PHF20: variants seen among roughly 807,000 people sequenced by gnomAD.
PHF20 encodes the protein glioma-expressed antigen 2.
Under a neutral mutation model 113.5 loss-of-function variants are expected in PHF20, and 23 were observed. The ratio of observed to expected loss-of-function variants is 0.20; its 90% confidence interval spans 0.15 to 0.29. The LOEUF (loss-of-function observed/expected upper bound fraction) is 0.29. Among genes scored for constraint, PHF20 ranks in the 10% least tolerant of loss-of-function variants. The pLI is 1.00. For missense variants in PHF20, 943 were observed against 1,219.6 expected, an observed-to-expected ratio of 0.77 and a Z score of 3.38; for synonymous variants, 434 against 457.3, an observed-to-expected ratio of 0.95 and a Z score of 0.65.
At chr20:35,813,113 G>A (rs374950039) in intron 2 of PHF20, among the ~76,000 whole-genome samples, 1 of 151,938 alleles carries the variant, frequency 6.6e-6, no homozygotes, top group African/African-American at 2.4e-5. Flanking sequence ...GACTACAGGC[G>A]CCCGCCACCA....
chr20:35,772,336 G>A (rs1159839328), intron 1 of PHF20, among the ~76,000 whole-genome samples: 1 of 151,008 alleles, frequency 6.6e-6, no homozygotes, highest in African/African-American at 2.4e-5. Flanking sequence ...CCGCCAATCA[G>A]CGCCGCCCGA....
chr20:35,857,562 C>CTTT (rs56655276), intron 4 of PHF20, among the ~76,000 whole-genome samples: 1,476 of 99,680 alleles, frequency 0.015, 63 homozygotes, highest in African/African-American at 0.037. Context: ...AATGATGTTC[C>CTTT]TTTTTTTTTT....
At chr20:35,864,452 A>AC (rs59351622) in intron 6 of PHF20, among the ~76,000 whole-genome samples, 7 of 151,080 alleles carry the variant, frequency 4.6e-5, no homozygotes, top group African/African-American at 7.3e-5. Flanking sequence ...ACACACACAC[A>AC]AATATTTTCA....
intron 6 of PHF20, among the ~76,000 whole-genome samples, chr20:35,866,159 G>C (rs927508060): frequency 6.6e-6 from 1 of 152,116 alleles, no homozygotes; most frequent in Non-Finnish European, 1.5e-5. Context: ...ACAGTGAGCC[G>C]ATATCGCACC....
intron 15 of PHF20, among the ~76,000 whole-genome samples, chr20:35,935,049 T>C (rs1220176030): frequency 6.6e-6 from 1 of 152,006 alleles, no homozygotes; most frequent in African/African-American, 2.4e-5. Context: ...TTTTAAGAGA[T>C]GGAGTCTTTC....
At position 35,798,959 on chromosome 20, in the gene PHF20, AC is replaced by A. The variant is rs760524904; in HGVS notation, c.-32-2531del. Among the ~76,000 whole-genome samples the A allele has an allele frequency of 2.0e-5, 3 of 152,140 alleles. No individual in the cohort carries two copies. In the South Asian group the frequency reaches 6.2e-4, roughly 32 times the overall value. On this transcript the variant is annotated intron_variant, in intron 1 of 17. Transcript: ENST00000374012. ...AGTTTTAATGTGAGCTCCATGTGGT[AC>A]AATTTTGCATCCTGCCTTTTTATGT...
chr20:35,891,857 A>G (rs981639332), intron 9 of PHF20, among the ~76,000 whole-genome samples: 7 of 151,636 alleles, frequency 4.6e-5, no homozygotes, highest in African/African-American at 1.5e-4. Context: ...TCTATTTTTT[A>G]TATATTATTT....
intron 9 of PHF20, among the ~76,000 whole-genome samples, chr20:35,896,172 T>C (rs1054037896): frequency 2.0e-5 from 3 of 151,924 alleles, no homozygotes; most frequent in African/African-American, 7.3e-5. Context: ...CAACCAAACC[T>C]AATTTTGAAG....
chr20:35,943,936 C>T (rs2056039069), intron 17 of PHF20, among the ~76,000 whole-genome samples: 1 of 150,250 alleles, frequency 6.7e-6, no homozygotes, highest in Non-Finnish European at 1.5e-5. Flanking sequence ...TACTTTAAAA[C>T]TAAAAGACAA....
At chr20:35,912,836 T>C (rs973391909) in intron 10 of PHF20, among the ~76,000 whole-genome samples, 2 of 152,026 alleles carry the variant, frequency 1.3e-5, no homozygotes, top group African/African-American at 4.8e-5. Context: ...ACAACAAAAA[T>C]CAGATCCCCA....
intron 10 of PHF20, among the ~76,000 whole-genome samples, chr20:35,905,443 G>A (rs1047515405): frequency 1.3e-5 from 2 of 152,110 alleles, no homozygotes; most frequent in Non-Finnish European, 2.9e-5. Context: ...ATGTCATGAG[G>A]TTGGGGCCTT....
intron 2 of PHF20, among the ~76,000 whole-genome samples, chr20:35,821,018 A>G (rs1048419692): frequency 1.3e-5 from 2 of 151,996 alleles, no homozygotes; most frequent in African/African-American, 2.4e-5. Context: ...GAGAGGCCAG[A>G]GGTAGGAGGT....
At chr20:35,929,409 T>A (rs2055707145) in intron 14 of PHF20, among the ~76,000 whole-genome samples, 2 of 152,226 alleles carry the variant, frequency 1.3e-5, no homozygotes, top group Admixed American at 1.3e-4. Flanking sequence ...GTCAGAAGAT[T>A]TGACAGGTGA....
chr20:35,938,768 A>G lies in PHF20; in HGVS notation c.2372A>G (p.His791Arg), dbSNP rs1216473184. 6.2e-7 allele frequency: 1 copy of G among 1,614,048 alleles called. No individual in the cohort carries two copies. The highest frequency in any genetic ancestry group is 8.5e-7 in the Non-Finnish European group (1 of 1,179,930). The change falls in exon 16 of 18, where the codon CAT becomes CGT. Residue 791 changes from histidine (H) to arginine (R), a missense_variant. His to Arg is a conservative substitution (Grantham distance 29, BLOSUM62 0). Coordinates refer to ENST00000374012, the MANE Select transcript of PHF20 (RefSeq NM_016436.5). Reference protein sequence around the residue: ...WKQHSGEGRSHFRNIPVTDTR... With the variant: ...WKQHSGEGRSRFRNIPVTDTR... ...CAGCACTCAGGGGAGGGGAGATCTCATTTCAGAAACATCCCTGTCACTGAC... is the reference window on the plus strand; with the variant it reads ...CAGCACTCAGGGGAGGGGAGATCTCGTTTCAGAAACATCCCTGTCACTGAC...
At chr20:35,780,140 T>C (rs1393907492) in intron 1 of PHF20, among the ~76,000 whole-genome samples, 2 of 151,808 alleles carry the variant, frequency 1.3e-5, no homozygotes, top group African/African-American at 4.8e-5. Context: ...GAAATTTGAG[T>C]AAGTCATTTT....
At chr20:35,800,102 C>A (rs1271158155) in intron 1 of PHF20, 1 of 151,940 alleles carries the variant, frequency 6.6e-6, no homozygotes, top group Non-Finnish European at 1.5e-5. Flanking sequence ...AGCACGAGTA[C>A]ACGAGACAGG....
At chr20:35,798,123 G>T (rs765205201) in intron 1 of PHF20, among the ~76,000 whole-genome samples, 37 of 152,060 alleles carry the variant, frequency 2.4e-4, no homozygotes, top group Non-Finnish European at 2.5e-4. Context: ...CTTTACAAAA[G>T]AATCAGTGGC....
chr20:35,856,025 T>C (rs1262032802), intron 4 of PHF20, among the ~76,000 whole-genome samples: 1 of 152,170 alleles, frequency 6.6e-6, no homozygotes. Context: ...GTCACCCTGT[T>C]GTGCTAGCAA....
At chr20:35,844,543 CCACACACACACA>C (rs61622083) in intron 3 of PHF20, among the ~76,000 whole-genome samples, 76 of 117,726 alleles carry the variant, frequency 6.5e-4, no homozygotes, top group East Asian at 4.8e-3. Context: ...TTCACCATCA[CCACACACACACA>C]CACACACACA....
Sources: allele counts gnomAD v4.1 joint callset (sites outside exome capture counted in the v4.1 genomes callset), GRCh38; gene constraint gnomAD v4.1.1; transcripts MANE v1.5; gene names NCBI Gene and HGNC (gene_info 2026-07-23, HGNC 2026-07-21).